Variants in MAST4 observed in about 807,000 individuals in gnomAD.
MAST4 encodes the protein microtubule associated serine/threonine kinase family member 4.
Under a neutral mutation model 162.7 loss-of-function variants are expected in MAST4, and 89 were observed. The ratio of observed to expected loss-of-function variants is 0.55; its 90% CI spans 0.46 to 0.65. The LOEUF (loss-of-function observed/expected upper bound fraction) is 0.65. Ranked by LOEUF, MAST4 falls within the 30% of genes least tolerant of loss-of-function variation. MAST4 has a pLI of 0.00. For synonymous variants in MAST4, 1,479 were observed against 1,361.1 expected, an observed-to-expected ratio of 1.09 and a Z score of -1.91; for missense variants, 3,153 against 3,374.0, an observed-to-expected ratio of 0.93 and a Z score of 1.62.
At chr5:66,860,785 A>C (rs995446123) in intron 3 of MAST4, among the ~76,000 whole-genome samples, 31 of 151,680 alleles carry the variant, frequency 2.0e-4, no homozygotes, top group African/African-American at 7.5e-4. Context: ...AAAAAAAAAA[A>C]ACAAACAAAC....
chr5:66,825,286 A>G (rs963857234), intron 3 of MAST4, among the ~76,000 whole-genome samples: 304 of 150,732 alleles, frequency 2.0e-3, no homozygotes, highest in African/African-American at 7.1e-3. Flanking sequence ...ACACACACAC[A>G]CACACACACA....
At chr5:67,006,454 T>C (rs142501962) in intron 4 of MAST4, among the ~76,000 whole-genome samples, 1 of 152,336 alleles carries the variant, frequency 6.6e-6, no homozygotes, top group East Asian at 1.9e-4. Flanking sequence ...GAGAGATACA[T>C]GCTACACATG....
intron 3 of MAST4, among the ~76,000 whole-genome samples, chr5:66,882,561 T>C (rs1411414906): frequency 1.3e-5 from 2 of 152,238 alleles, no homozygotes; most frequent in African/African-American, 4.8e-5. Flanking sequence ...TTCATTCTAA[T>C]ATATTCTTCA....
intron 3 of MAST4, among the ~76,000 whole-genome samples, chr5:66,854,473 G>A (rs992037411): frequency 1.6e-4 from 25 of 152,188 alleles, no homozygotes; most frequent in African/African-American, 4.8e-4. Context: ...TCAAGGTATC[G>A]GCTGGGGCTG....
intron 3 of MAST4, among the ~76,000 whole-genome samples, chr5:66,826,768 T>C (rs1352937046): frequency 1.3e-5 from 2 of 152,224 alleles, no homozygotes; most frequent in African/African-American, 2.4e-5. Context: ...TTGAGCTTCT[T>C]GGGTCAAGAT....
intron 5 of MAST4, among the ~76,000 whole-genome samples, chr5:67,084,024 A>G (rs1762959105): frequency 6.6e-6 from 1 of 152,194 alleles, no homozygotes; most frequent in South Asian, 2.1e-4. Flanking sequence ...CCATTTTAAC[A>G]CATCTCCAAG....
At chr5:67,095,502 G>A (rs1366097634) in intron 6 of MAST4, 95 bp from the exon 7 acceptor site, 1 of 864,560 alleles carries the variant, frequency 1.2e-6, no homozygotes, top group African/African-American at 1.7e-5. Flanking sequence ...GACTATGTTT[G>A]TGTCATTTGT....
intron 4 of MAST4, among the ~76,000 whole-genome samples, chr5:66,973,706 C>T (rs561427017): frequency 6.6e-6 from 1 of 152,194 alleles, no homozygotes; most frequent in South Asian, 2.1e-4. Context: ...TCATTTATTA[C>T]ATTGCTGTTT....
At chr5:66,959,320 T>C (rs376360158) in intron 4 of MAST4, 147 of 779,524 alleles carry the variant, frequency 1.9e-4, no homozygotes, top group Middle Eastern at 9.0e-4. Context: ...CTTTAATATT[T>C]TAATGCTTTC....
At chr5:66,622,434 T>TG (rs974140227) in intron 1 of MAST4, among the ~76,000 whole-genome samples, 3 of 151,608 alleles carry the variant, frequency 2.0e-5, no homozygotes, top group African/African-American at 7.3e-5. Flanking sequence ...TTTTTTTTTT[T>TG]TCTAACTTGG....
rs1036918746 is a variant in MAST4, at chr5:66,786,102, C to T, written c.518-2568C>T. Among the ~76,000 whole-genome samples the T allele has an allele frequency of 3.3e-5, 5 of 152,196 alleles. No homozygotes were observed. In the South Asian group the frequency reaches 6.2e-4, roughly 19 times the overall value. ...CAGGCTGGTCTTGAACACTTAGGCT[C>T]GAGGGATCCGCTCACCTCGGCCTCC... is the stretch of plus-strand genomic sequence containing the variant. On this transcript the variant is annotated intron_variant, in intron 2 of 28. Coordinates refer to ENST00000403625, the MANE Select transcript of MAST4 (RefSeq NM_001164664.2).
chr5:66,697,973 A>G (rs760673580), intron 1 of MAST4, among the ~76,000 whole-genome samples: 2 of 152,050 alleles, frequency 1.3e-5, no homozygotes, highest in African/African-American at 4.8e-5. Flanking sequence ...CTCGATTCCC[A>G]ACATTCCATG....
At position 67,163,794 on chromosome 5, in the gene MAST4, A is replaced by T; in HGVS notation, c.4615A>T (p.Lys1539Ter). The T allele has an allele frequency of 1.2e-6, 2 of 1,612,114 alleles. No homozygotes were observed. The highest frequency in any genetic ancestry group is 1.7e-6 in the Non-Finnish European group (2 of 1,179,036). ...RDKLKAKVVV[K>*]KADGFPEKQE... The stretch of plus-strand genomic sequence containing the variant: ...CAAGCTGAAGGCCAAGGTGGTGGTG[A>T]AGAAAGCAGACGGCTTCCCAGAGAA... Residue 1539 changes from lysine (K) to a stop codon, truncating the protein, a stop_gained, in exon 29 of 29, where the codon AAG becomes TAG. Coordinates refer to ENST00000403625, the MANE Select transcript of MAST4 (RefSeq NM_001164664.2). LOFTEE classifies it low-confidence loss of function (END_TRUNC). The surrounding 1 kb of genome is among the most constrained non-coding windows in gnomAD (Gnocchi z 7.0).
At chr5:66,868,261 A>G (rs953181064) in intron 3 of MAST4, among the ~76,000 whole-genome samples, 1 of 151,982 alleles carries the variant, frequency 6.6e-6, no homozygotes, top group East Asian at 1.9e-4. Context: ...AAAGAAAAAT[A>G]TTTTCAGGTA....
At chr5:66,974,469 T>A (rs907895244) in intron 4 of MAST4, among the ~76,000 whole-genome samples, 1 of 152,154 alleles carries the variant, frequency 6.6e-6, no homozygotes, top group African/African-American at 2.4e-5. Flanking sequence ...TTGTCTGGAG[T>A]TCGTTGCAAT....
At chr5:66,963,395 T>C (rs896109046) in intron 4 of MAST4, among the ~76,000 whole-genome samples, 1 of 152,230 alleles carries the variant, frequency 6.6e-6, no homozygotes, top group Admixed American at 6.5e-5. Context: ...ATACTCAATA[T>C]AAAATGGCAC....
In MAST4 at chr5:66,830,017, T is replaced by C. The variant is rs945715450; in HGVS notation, c.642+41223T>C. Among the ~76,000 whole-genome samples the C allele has an allele frequency of 2.0e-5, 3 of 152,338 alleles. No homozygotes were observed. The East Asian group carries it at 5.8e-4, about 29-fold the overall frequency. Reference sequence around the variant, plus strand: ...AATGCACAGTGTGGTTAGTCACTGCTGTGGATTTCCTTTTCTTTGTTTTCA... The same window carrying C: ...AATGCACAGTGTGGTTAGTCACTGCCGTGGATTTCCTTTTCTTTGTTTTCA... On this transcript the variant is annotated intron_variant, in intron 3 of 28. Coordinates refer to ENST00000403625, the MANE Select transcript of MAST4 (RefSeq NM_001164664.2).
chr5:67,074,771 A>G (rs1272738463), intron 5 of MAST4, among the ~76,000 whole-genome samples: 1 of 152,226 alleles, frequency 6.6e-6, no homozygotes, highest in African/African-American at 2.4e-5. Flanking sequence ...AGACACTACA[A>G]TATTACATTA....
intron 3 of MAST4, among the ~76,000 whole-genome samples, chr5:66,872,216 C>G (rs1423806431): frequency 6.6e-6 from 1 of 152,170 alleles, no homozygotes; most frequent in Non-Finnish European, 1.5e-5. Flanking sequence ...GTCACCCAGG[C>G]TGGAGTGCAG....
Sources: gnomAD v4.1 joint callset for allele counts (sites outside exome capture counted in the v4.1 genomes callset) on GRCh38, gnomAD v4.1.1 for gene constraint, Gnocchi (gnomAD v3.1) non-coding constraint, MANE v1.5 for transcripts, NCBI Gene and HGNC (gene_info 2026-07-23, HGNC 2026-07-21) for gene names.